Variants in CALM2 observed in about 807,000 individuals in gnomAD.
The protein encoded by CALM2 is calmodulin-2.
Under a neutral mutation model 19.8 loss-of-function variants are expected in CALM2, and 2 were observed. The ratio of observed to expected loss-of-function variants is 0.10; its 90% CI spans 0.04 to 0.32. The LOEUF (loss-of-function observed/expected upper bound fraction) is 0.32, where lower values mean the gene tolerates loss of function less well. Ranked by LOEUF, CALM2 falls within the 10% of genes least tolerant of loss-of-function variation. The pLI is 1.00. For missense variants in CALM2, 38 were observed against 178.7 expected (o/e 0.21, Z 4.49); for synonymous variants, 51 against 52.1 (o/e 0.98, Z 0.09).
intron 2 of CALM2, among the ~76,000 whole-genome samples, chr2:47,169,618 A>G (rs914104828): frequency 5.3e-5 from 8 of 152,230 alleles, no homozygotes; most frequent in African/African-American, 1.9e-4. Context: ...GTCAAATTAC[A>G]CAATAAATAA....
upstream of CALM2, chr2:47,176,556 G>T: frequency 1.9e-6 from 3 of 1,557,150 alleles, no homozygotes; most frequent in Non-Finnish European, 2.6e-6. Flanking sequence ...ACCTCCCTCC[G>T]CCAGATCCCT....
chr2:47,170,667 T>A, intron 2 of CALM2, 67 bp downstream of exon 2: 1 of 1,177,584 alleles, frequency 8.5e-7, no homozygotes, highest in East Asian at 2.3e-5. Context: ...AAGTCTCTTA[T>A]TCTGACGTTG....
At chr2:47,161,044 AAG>A (rs1281902382) in intron 5 of CALM2, among the ~76,000 whole-genome samples, 1 of 152,196 alleles carries the variant, frequency 6.6e-6, no homozygotes, top group Non-Finnish European at 1.5e-5. Context: ...CAATATAAAA[AAG>A]AGCATTCTTG....
In CALM2 at chr2:47,162,271, C is replaced by T; in HGVS notation, c.285+15G>A. 6.9e-7 allele frequency: 1 copy of T among 1,442,502 alleles called. No individual in the cohort carries two copies. The highest frequency in any genetic ancestry group is 9.5e-7 in the Non-Finnish European group (1 of 1,048,014). The allele number at this position is 1,442,502 out of a possible 1,614,324, so 89.4% of individuals were successfully genotyped here. On this transcript the variant is annotated intron_variant, in intron 4 of 5. Transcript: ENST00000272298. Reference sequence around the variant, plus strand: ...TTTCATCCTCAAAATTTAACATATCCAGTCCTTGACGTACCTTATCAAACA... The same window carrying T: ...TTTCATCCTCAAAATTTAACATATCTAGTCCTTGACGTACCTTATCAAACA...
chr2:47,176,150 T>C (rs1258885168), intron 1 of CALM2: 24 of 464,214 alleles, frequency 5.2e-5, no homozygotes, highest in Non-Finnish European at 5.4e-5. Flanking sequence ...CACTGGGCTG[T>C]CCCTCATCCC....
chr2:47,164,347 A>AACACAC (rs61085424), intron 2 of CALM2, among the ~76,000 whole-genome samples: 19 of 139,892 alleles, frequency 1.4e-4, no homozygotes, highest in African/African-American at 4.8e-4. Flanking sequence ...TCTCTACTAA[A>AACACAC]ACACACACAC....
At chr2:47,163,002 A>G (rs1687203801) in intron 2 of CALM2, 1 of 170,710 alleles carries the variant, frequency 5.9e-6, no homozygotes, top group Admixed American at 5.9e-5. Flanking sequence ...AGGTTTACAG[A>G]GGAAAAGAAC....
chr2:47,169,701 G>A (rs1666605776), intron 2 of CALM2, among the ~76,000 whole-genome samples: 4 of 152,110 alleles, frequency 2.6e-5, no homozygotes, highest in Admixed American at 2.6e-4. Flanking sequence ...TAGTATTTGA[G>A]GTGACTAGTG....
chr2:47,175,047 A>C (rs1666800748), intron 1 of CALM2, among the ~76,000 whole-genome samples: 1 of 146,342 alleles, frequency 6.8e-6, no homozygotes, highest in South Asian at 2.2e-4. Context: ...AGGAACCACA[A>C]AGTAAGTATC....
chr2:47,172,224 T>C (rs371719496), intron 1 of CALM2: 12 of 307,076 alleles, frequency 3.9e-5, no homozygotes, highest in Admixed American at 2.4e-4. Flanking sequence ...TTCAGTTTAT[T>C]GCATTTTGCA....
At chr2:47,167,181 T>G (rs948923555) in intron 2 of CALM2, among the ~76,000 whole-genome samples, 2 of 152,168 alleles carry the variant, frequency 1.3e-5, no homozygotes, top group African/African-American at 2.4e-5. Context: ...TTGCTATACA[T>G]TGAGTAATAT....
rs1573220738 is a variant in CALM2, at chr2:47,166,072, T to C, written c.35-3410A>G. Among the ~76,000 whole-genome samples, 4 of 152,300 alleles carry C rather than the reference T, an allele frequency of 2.6e-5. No homozygotes were observed. In the East Asian group the frequency reaches 5.8e-4, roughly 22 times the overall value. On this transcript the variant is annotated intron_variant, in intron 2 of 5. Transcript: ENST00000272298. ...AATCAGAAGGTTCATACCACACTAA[T>C]TGATTTTATGAAGATAGTATACAGT...
Position 47,161,708 on chromosome 2 carries a change from G to A in CALM2, c.421+15C>T. On this transcript the variant is annotated intron_variant, in intron 5 of 5. Coordinates refer to ENST00000272298, the MANE Select transcript of CALM2 (RefSeq NM_001743.6). The stretch of plus-strand genomic sequence containing the variant: ...AATCAAAGTGAAGAATGAGGCGTGA[G>A]ACTGAAACATTTACCTTCATAGTTT... 2 of 1,604,934 alleles carry A rather than the reference G, an allele frequency of 1.2e-6. No homozygotes were observed. Among genetic ancestry groups the A allele is most frequent in the Non-Finnish European group, 1.7e-6 (2 of 1,176,544 alleles).
At chr2:47,164,726 C>G (rs988573536) in intron 2 of CALM2, among the ~76,000 whole-genome samples, 23 of 152,148 alleles carry the variant, frequency 1.5e-4, no homozygotes, top group African/African-American at 5.6e-4. Context: ...ACCCTATCAG[C>G]AAATGAATAC....
chr2:47,167,512 G>A, intron 2 of CALM2: 1 of 184,162 alleles, frequency 5.4e-6, no homozygotes, highest in Non-Finnish European at 1.2e-5. Flanking sequence ...TGGCCAACAT[G>A]GTGAAACCCC....
intron 1 of CALM2, chr2:47,172,725 C>T (rs1003919074): frequency 2.4e-5 from 6 of 249,928 alleles, no homozygotes; most frequent in African/African-American, 7.2e-5. Flanking sequence ...AAATGTGTGG[C>T]AGACACTGCA....
At chr2:47,162,171 CAAAAAAAAAAAAAAAAAAAA>C (rs56839340) in intron 4 of CALM2, 95 bp downstream of exon 4, 9 of 130,130 alleles carry the variant, frequency 6.9e-5, no homozygotes, top group East Asian at 5.4e-4. Flanking sequence ...GGTAAATCAT[CAAAAAAAAAAAAAAAAAAAA>C]AAAAAAAAAC....
chr2:47,167,531 T>TA, intron 2 of CALM2: 1 of 190,136 alleles, frequency 5.3e-6, no homozygotes. Flanking sequence ...CCATCTCTCC[T>TA]AAAAATACAA....
intron 2 of CALM2, among the ~76,000 whole-genome samples, chr2:47,169,322 T>G (rs113328454): frequency 2.6e-5 from 4 of 152,054 alleles, no homozygotes; most frequent in Non-Finnish European, 4.4e-5. Flanking sequence ...GAAAAACATT[T>G]TGACGATACA....
Sources: gnomAD v4.1 joint callset for allele counts (sites outside exome capture counted in the v4.1 genomes callset) on GRCh38, gnomAD v4.1.1 for gene constraint, MANE v1.5 for transcripts, NCBI Gene and HGNC (gene_info 2026-07-23, HGNC 2026-07-21) for gene names.